The following PHACTR1 variants were observed in gnomAD, a reference collection of about 807,000 sequenced individuals.
The protein encoded by PHACTR1 is RPEL repeat containing 1.
Under a neutral mutation model 69.2 loss-of-function variants are expected in PHACTR1, and 16 were observed. The ratio of observed to expected loss-of-function variants is 0.23; its 90% confidence interval spans 0.16 to 0.35. The LOEUF (loss-of-function observed/expected upper bound fraction) is 0.35. Among genes scored for constraint, PHACTR1 ranks in the 10% least tolerant of loss-of-function variants. PHACTR1 has a pLI of 1.00. For synonymous variants in PHACTR1, 312 were observed against 284.5 expected (o/e 1.10, Z -0.97); for missense variants, 510 against 734.7 (o/e 0.69, Z 3.54).
chr6:12,936,500 T>C (rs1168418198), intron 4 of PHACTR1, among the ~76,000 whole-genome samples: 1 of 152,200 alleles, frequency 6.6e-6, no homozygotes, highest in East Asian at 1.9e-4. Flanking sequence ...TGTTTGCAGA[T>C]TGCTAAGGAG....
intron 4 of PHACTR1, among the ~76,000 whole-genome samples, chr6:12,768,784 G>A (rs928570082): frequency 5.1e-5 from 7 of 137,278 alleles, no homozygotes; most frequent in Non-Finnish European, 7.7e-5. Context: ...ATCTACAGAT[G>A]AATGGATAAA....
chr6:13,185,806 C>A (rs757106661), intron 7 of PHACTR1, among the ~76,000 whole-genome samples: 3 of 152,066 alleles, frequency 2.0e-5, no homozygotes, highest in Non-Finnish European at 4.4e-5. Flanking sequence ...ACAAATAATA[C>A]CTAGGTAATC....
At chr6:13,282,308 G>A (rs1780461022) in intron 12 of PHACTR1, among the ~76,000 whole-genome samples, 1 of 152,182 alleles carries the variant, frequency 6.6e-6, no homozygotes, top group Admixed American at 6.5e-5. Context: ...TGTTGCTCCA[G>A]GAGAAATAAA....
At chr6:12,912,196 T>A (rs1786490068) in intron 4 of PHACTR1, among the ~76,000 whole-genome samples, 1 of 152,144 alleles carries the variant, frequency 6.6e-6, no homozygotes, top group Admixed American at 6.5e-5. Flanking sequence ...GACGGGATTT[T>A]GCCATGTTGG....
chr6:13,091,316 T>G lies in PHACTR1; in HGVS notation c.415+37787T>G, dbSNP rs538276355. Reference sequence around the variant, plus strand: ...GCCTGGCCGGCACTGCATTGTTAACTTCTACTAAAGTTGTTGAGTAACGTC... The same window carrying G: ...GCCTGGCCGGCACTGCATTGTTAACGTCTACTAAAGTTGTTGAGTAACGTC... On this transcript the variant is annotated intron_variant, in intron 5 of 14. Coordinates refer to ENST00000332995, the MANE Select transcript of PHACTR1 (RefSeq NM_030948.6). Among the ~76,000 whole-genome samples the G allele has an allele frequency of 6.6e-5, 10 of 152,258 alleles. No homozygotes were observed. In the East Asian group the frequency reaches 1.9e-3, roughly 29 times the overall value.
chr6:13,035,631 C>T (rs138635562), intron 4 of PHACTR1, among the ~76,000 whole-genome samples: 4 of 152,270 alleles, frequency 2.6e-5, no homozygotes, highest in African/African-American at 9.6e-5. Context: ...ACCATGTCCA[C>T]GAACTGTGTT....
At chr6:13,196,020 G>T (rs964829888) in intron 7 of PHACTR1, among the ~76,000 whole-genome samples, 24 of 152,206 alleles carry the variant, frequency 1.6e-4, no homozygotes, top group Middle Eastern at 3.4e-3. Context: ...TCTGGAACTG[G>T]TCGTTTTTGC....
intron 4 of PHACTR1, among the ~76,000 whole-genome samples, chr6:12,940,591 G>A (rs1400175225): frequency 6.6e-6 from 1 of 152,158 alleles, no homozygotes; most frequent in Non-Finnish European, 1.5e-5. Context: ...CTTTTTGCTA[G>A]GAAGTTGCTC....
chr6:12,921,391 T>C (rs914693036), intron 4 of PHACTR1, among the ~76,000 whole-genome samples: 1 of 151,536 alleles, frequency 6.6e-6, no homozygotes, highest in Non-Finnish European at 1.5e-5. Context: ...AAAAAGACAG[T>C]CCTTGTCTTC....
chr6:12,916,865 T>C (rs1314284004), intron 4 of PHACTR1, among the ~76,000 whole-genome samples: 1 of 152,178 alleles, frequency 6.6e-6, no homozygotes, highest in African/African-American at 2.4e-5. Flanking sequence ...CTCAGGAGAA[T>C]TGGATATTTC....
In PHACTR1 at chr6:13,246,170, G is replaced by T. The variant is rs756249456; in HGVS notation, c.1391+15977G>T. ...TTTTACTGGAATAAACAGGCCAGTT[G>T]TTAGTTAGCAACCATAACAACTCAT... On this transcript the variant is annotated intron_variant, in intron 10 of 14. Transcript: ENST00000332995. The surrounding 1 kb of genome is among the most constrained non-coding windows in gnomAD (Gnocchi z 4.2). Among the ~76,000 whole-genome samples, 2 of 152,166 alleles carry T rather than the reference G, an allele frequency of 1.3e-5. No individual in the cohort carries two copies. Among genetic ancestry groups the T allele is most frequent in the Non-Finnish European group, 2.9e-5 (2 of 68,026 alleles).
rs558477849 is a variant in PHACTR1, at chr6:12,844,958, C to T, written c.250+95168C>T. ...GCAAGTATAAACATAAATGCTTGAG[C>T]AGCAACAGACAAATTAACTGGTTAC... On this transcript the variant is annotated intron_variant, in intron 4 of 14. Coordinates refer to ENST00000332995, the MANE Select transcript of PHACTR1 (RefSeq NM_030948.6). Among the ~76,000 whole-genome samples the T allele has an allele frequency of 7.9e-5, 12 of 152,198 alleles. No homozygotes were observed. In the South Asian group the frequency reaches 2.5e-3, roughly 32 times the overall value.
chr6:13,120,010 A>T (rs554239239), intron 5 of PHACTR1, among the ~76,000 whole-genome samples: 1 of 152,228 alleles, frequency 6.6e-6, no homozygotes, highest in Admixed American at 6.5e-5. Context: ...GACCTGCTGG[A>T]TGAAATACGT....
intron 4 of PHACTR1, among the ~76,000 whole-genome samples, chr6:12,787,136 C>A (rs555246340): frequency 3.6e-4 from 55 of 152,288 alleles, no homozygotes; most frequent in Middle Eastern, 6.8e-3. Flanking sequence ...GTTTAGAGAG[C>A]ACCCCGTCCT....
intron 7 of PHACTR1, among the ~76,000 whole-genome samples, chr6:13,193,875 C>T (rs1475487634): frequency 1.3e-5 from 2 of 152,060 alleles, no homozygotes; most frequent in African/African-American, 4.8e-5. Context: ...ATTTCTCACC[C>T]TCCTTTATGC....
intron 4 of PHACTR1, among the ~76,000 whole-genome samples, chr6:12,983,302 A>G (rs986125542): frequency 5.3e-5 from 8 of 152,232 alleles, no homozygotes; most frequent in Non-Finnish European, 1.0e-4. Flanking sequence ...ATAAAGCAAA[A>G]TCTGATTGTA....
chr6:12,780,108 A>G (rs1581712667), intron 4 of PHACTR1, among the ~76,000 whole-genome samples: 1 of 152,336 alleles, frequency 6.6e-6, no homozygotes, highest in South Asian at 2.1e-4. Flanking sequence ...GTTTAGGAGA[A>G]TTTAGGGACT....
intron 5 of PHACTR1, among the ~76,000 whole-genome samples, chr6:13,079,887 G>A (rs1811104115): frequency 1.3e-5 from 2 of 152,052 alleles, no homozygotes; most frequent in Non-Finnish European, 2.9e-5. Context: ...CAAAATATGT[G>A]TCCTAGGCTA....
intron 4 of PHACTR1, among the ~76,000 whole-genome samples, chr6:12,979,538 C>G (rs369188094): frequency 1.3e-5 from 2 of 152,268 alleles, no homozygotes; most frequent in Admixed American, 6.5e-5. Context: ...ATCCACAGAA[C>G]GGTGGCACAC....
Sources: gnomAD v4.1 joint callset for allele counts (sites outside exome capture counted in the v4.1 genomes callset) on GRCh38, gnomAD v4.1.1 for gene constraint, Gnocchi (gnomAD v3.1) non-coding constraint, MANE v1.5 for transcripts, NCBI Gene and HGNC (gene_info 2026-07-23, HGNC 2026-07-21) for gene names.